The following NRBP1 variants were observed in gnomAD, a reference collection of about 807,000 sequenced individuals.
The protein encoded by NRBP1 is nuclear receptor binding protein 1.
NRBP1 carries 10 observed loss-of-function variants against 76.0 expected under a neutral mutation model. That is an observed-to-expected ratio of 0.13 (90% CI 0.08 to 0.22). The LOEUF (loss-of-function observed/expected upper bound fraction) is 0.22. NRBP1 is among the 10% of genes least tolerant of loss of function. The pLI is 1.00. For synonymous variants in NRBP1, 235 were observed against 240.2 expected, an observed-to-expected ratio of 0.98 and a Z score of 0.20; for missense variants, 344 against 646.0, an observed-to-expected ratio of 0.53 and a Z score of 5.07.
At chr2:27,439,461 G>T (rs773044503) in intron 10 of NRBP1, among the ~76,000 whole-genome samples, 16 of 150,080 alleles carry the variant, frequency 1.1e-4, no homozygotes, top group Middle Eastern at 3.2e-3. Context: ...CTCCAGCCTG[G>T]GCGACAGAGC....
chr2:27,438,505 AAAG>A (rs1055071465), intron 10 of NRBP1, among the ~76,000 whole-genome samples: 1 of 152,362 alleles, frequency 6.6e-6, no homozygotes, highest in African/African-American at 2.4e-5. Flanking sequence ...ACAGGAGAGA[AAAG>A]AAGACTAGTG....
rs776670153 is a variant in NRBP1 at position 27,433,525 on chromosome 2, G to A, written c.210+42G>A. 1.1e-5 allele frequency: 18 copies of A among 1,608,888 alleles called. No individual in the cohort carries two copies. The South Asian group carries it at 1.9e-4, about 17-fold the overall frequency. On this transcript the variant is annotated intron_variant, in intron 2 of 17. Transcript: ENST00000379852. ...GTTACTCTTGGGTGAGTGAATTCTG[G>A]AAAGGTGAGAACTGGAAGAGCAAAG...
At chr2:27,439,618 A>G in intron 10 of NRBP1, 148 bp from the exon 11 acceptor site, 1 of 751,546 alleles carries the variant, frequency 1.3e-6, no homozygotes, top group Non-Finnish European at 2.1e-6. Flanking sequence ...AAGCCCTTTC[A>G]GGTGCATTTT....
At chr2:27,436,957 T>G (rs116758259) in intron 8 of NRBP1, 90 bp from the exon 9 acceptor site, 24,532 of 1,474,064 alleles carry the variant, frequency 0.017, 279 homozygotes, top group Non-Finnish European at 0.021. Flanking sequence ...ACAAAATATT[T>G]TTCTTTTCTT....
At chr2:27,439,717 A>G in intron 10 of NRBP1, 49 bp from the exon 11 acceptor site, 1 of 1,610,682 alleles carries the variant, frequency 6.2e-7, no homozygotes, top group Non-Finnish European at 8.5e-7. Flanking sequence ...AGATGAACAC[A>G]CTGGGGGCTT....
chr2:27,437,638 G>A (rs879402733), intron 10 of NRBP1, among the ~76,000 whole-genome samples: 3 of 152,130 alleles, frequency 2.0e-5, no homozygotes, highest in African/African-American at 4.8e-5. Context: ...TTGGGAGGCC[G>A]AGGCGGGCGG....
At chr2:27,430,319 G>A (rs1018968749) in intron 1 of NRBP1, among the ~76,000 whole-genome samples, 5 of 151,758 alleles carry the variant, frequency 3.3e-5, no homozygotes, top group African/African-American at 9.7e-5. Context: ...GTAGATTGGG[G>A]GCAGAGATGG....
In NRBP1 at chr2:27,440,857, C is replaced by G; in HGVS notation, c.1246C>G (p.Gln416Glu). Residue 416 changes from glutamine (Q) to glutamate (E), a missense_variant, in exon 14 of 18, where the codon CAG becomes GAG. By Grantham distance (29) the Gln-to-Glu change is conservative. Transcript: ENST00000379852. ...TGGGCTGCCTCGGCCCCAGCAGCCA[C>G]AGCAGGAGGAGGTGACATCACCTGT... is the stretch of plus-strand genomic sequence containing the variant. ...AFGLPRPQQPQQEEVTSPVVP... is the reference protein window; with the variant it reads ...AFGLPRPQQPEQEEVTSPVVP... 1 of 1,614,070 alleles carries G rather than the reference C, an allele frequency of 6.2e-7. No homozygotes were observed. The highest frequency in any genetic ancestry group is 1.3e-5 in the African/African-American group (1 of 75,042).
In NRBP1 at chr2:27,439,995, C is replaced by CTTTT. The variant is rs70953859; in HGVS notation, c.1036+130_1036+133dup. 3.7e-4 allele frequency: 169 copies of CTTTT among 459,706 alleles called. 34 individuals carry two copies. The highest frequency in any genetic ancestry group is 8.1e-4 in the Middle Eastern group (1 of 1,238). 28.5% of individuals were successfully genotyped at this position (459,706 alleles called of 1,614,324 possible). A position where few individuals can be genotyped will look rare whatever the true frequency, so the allele number is the denominator to read the frequency against. ...TTTCCTCTTTATTTCCAAAGGGATT[C>CTTTT]TTTTTTTTTTTTTTTTTTTTTTTTT... On this transcript the variant is annotated intron_variant, in intron 11 of 17. Coordinates refer to ENST00000379852, the MANE Select transcript of NRBP1 (RefSeq NM_013392.4).
chr2:27,432,527 G>A (rs915297296), intron 1 of NRBP1, among the ~76,000 whole-genome samples: 1 of 151,510 alleles, frequency 6.6e-6, no homozygotes, highest in African/African-American at 2.4e-5. Context: ...TGCCTGGCCT[G>A]TTTTATTTTC....
chr2:27,431,108 G>A (rs1182180090), intron 1 of NRBP1, among the ~76,000 whole-genome samples: 2 of 152,098 alleles, frequency 1.3e-5, no homozygotes, highest in African/African-American at 2.4e-5. Flanking sequence ...AAACCATCCT[G>A]GCTAACACGG....
At chr2:27,437,383 C>T (rs1372670395) in intron 10 of NRBP1, 23 bp downstream of exon 10, 4 of 1,539,980 alleles carry the variant, frequency 2.6e-6, no homozygotes, top group South Asian at 2.2e-5. Context: ...AGGATCACTC[C>T]CTCCTCAACT....
Position 27,441,579 on chromosome 2 carries a change from C to G in NRBP1, c.1460C>G (p.Pro487Arg). Residue 487 changes from proline to arginine, a missense_variant, in exon 17 of 18, where the codon CCC becomes CGC. Transcript: ENST00000379852. ...SCDLMPNENIPELAAELVQLG... is the reference protein window; with the variant it reads ...SCDLMPNENIRELAAELVQLG... ...GTTTCTTTGTCAGATGAGAATATCC[C>G]CGAGTTGGCGGCTGAGCTGGTGCAG... 7 of 1,614,114 alleles carry G rather than the reference C, an allele frequency of 4.3e-6. No homozygotes were observed. The East Asian group carries it at 8.9e-5, about 21-fold the overall frequency.
chr2:27,434,397 A>G, intron 4 of NRBP1, 74 bp from the exon 5 acceptor site: 1 of 1,118,476 alleles, frequency 8.9e-7, no homozygotes, highest in Non-Finnish European at 1.3e-6. Flanking sequence ...CAAACCTTCA[A>G]ATTTAAAATA....
chr2:27,437,413 G>T lies in NRBP1; in HGVS notation c.903+53G>T, dbSNP rs1572691982. On this transcript the variant is annotated intron_variant, in intron 10 of 17. Transcript: ENST00000379852. Reference sequence around the variant, plus strand: ...TCAACTGACCTTCAAATGTCTTCTGGTTTTTCTTCCTTTGTACCCACTGGG... The same window carrying T: ...TCAACTGACCTTCAAATGTCTTCTGTTTTTTCTTCCTTTGTACCCACTGGG... The T allele has an allele frequency of 4.4e-6, 6 of 1,377,854 alleles. No homozygotes were observed. The South Asian group carries it at 5.9e-5, about 14-fold the overall frequency. 85.4% of individuals were successfully genotyped at this position (1,377,854 alleles called of 1,614,324 possible).
intron 10 of NRBP1, 146 bp downstream of exon 10, chr2:27,437,506 A>C: frequency 1.5e-6 from 1 of 651,206 alleles, no homozygotes; most frequent in Non-Finnish European, 2.7e-6. Flanking sequence ...TTTTCTTAGG[A>C]GGTGCCTACC....
At chr2:27,438,389 A>G (rs1664396885) in intron 10 of NRBP1, among the ~76,000 whole-genome samples, 1 of 152,202 alleles carries the variant, frequency 6.6e-6, no homozygotes, top group African/African-American at 2.4e-5. Context: ...CTAAGATTTA[A>G]AAGACATAAG....
rs1664460148 is a variant in NRBP1 at position 27,439,915 on chromosome 2, C to G, written c.1036+17C>G. On this transcript the variant is annotated intron_variant, in intron 11 of 17. Transcript: ENST00000379852. ...GACACCAACGTGAGTCGTCTTGGCCCTATGGGGAATAGTCTTCCAATCTGG... is the reference window on the plus strand; with the variant it reads ...GACACCAACGTGAGTCGTCTTGGCCGTATGGGGAATAGTCTTCCAATCTGG... 6.3e-7 allele frequency: 1 copy of G among 1,597,536 alleles called. No individual in the cohort carries two copies. Among genetic ancestry groups the G allele is most frequent in the Admixed American group, 1.7e-5 (1 of 59,352 alleles).
chr2:27,436,205 T>G (rs1168369141), intron 7 of NRBP1: 1 of 226,968 alleles, frequency 4.4e-6, no homozygotes, highest in African/African-American at 2.2e-5. Context: ...TCTGAGCTGT[T>G]TTGAGTTTCA....
Sources: gnomAD v4.1 joint callset for allele counts (sites outside exome capture counted in the v4.1 genomes callset) on GRCh38, gnomAD v4.1.1 for gene constraint, MANE v1.5 for transcripts, NCBI Gene and HGNC (gene_info 2026-07-23, HGNC 2026-07-21) for gene names.